Variants in MIPOL1 observed in about 807,000 individuals in gnomAD.
MIPOL1 encodes mirror-image polydactyly gene 1 protein.
Under a neutral mutation model 60.9 loss-of-function variants are expected in MIPOL1, and 57 were observed. That is an observed-to-expected ratio of 0.94 (90% confidence interval 0.76 to 1.17). MIPOL1 has a LOEUF of 1.17. Among genes scored for constraint, MIPOL1 ranks in the 50% most tolerant of loss-of-function variants. The pLI is 0.00. For synonymous variants in MIPOL1, 179 were observed against 168.8 expected (o/e 1.06, Z -0.47); for missense variants, 551 against 511.6 (o/e 1.08, Z -0.74).
chr14:37,242,433 A>G (rs1972502056), intron 1 of MIPOL1, among the ~76,000 whole-genome samples: 1 of 152,106 alleles, frequency 6.6e-6, no homozygotes, highest in Admixed American at 6.6e-5. Flanking sequence ...ATATATTTGT[A>G]TAGGAAATCT....
At chr14:37,512,349 C>G (rs1354248973) in intron 12 of MIPOL1, among the ~76,000 whole-genome samples, 1 of 151,988 alleles carries the variant, frequency 6.6e-6, no homozygotes, top group Non-Finnish European at 1.5e-5. Context: ...CACAAGGGTT[C>G]TTAGCATAGA....
rs1473009027 is a variant in MIPOL1 at position 37,549,458 on chromosome 14, T to A, written c.*2487T>A. On this transcript the variant is annotated 3_prime_UTR_variant, in exon 13 of 13. Transcript: ENST00000684589. The stretch of plus-strand genomic sequence containing the variant: ...ATTTTAGTATTACTGTCATTATAAT[T>A]ATTATTATATTCATTCTACAGATGA... 1 of 151,762 alleles carries A rather than the reference T, an allele frequency of 6.6e-6. No individual in the cohort carries two copies. The highest frequency in any genetic ancestry group is 1.5e-5 in the Non-Finnish European group (1 of 67,764). 9.4% of individuals were successfully genotyped at this position (151,762 alleles called of 1,614,324 possible).
intron 3 of MIPOL1, among the ~76,000 whole-genome samples, chr14:37,260,730 C>A (rs1261600007): frequency 6.6e-6 from 1 of 151,932 alleles, no homozygotes; most frequent in Admixed American, 6.6e-5. Context: ...AGCCAAAATA[C>A]AAATTTAAAA....
At chr14:37,436,220 C>T (rs1242306328) in intron 11 of MIPOL1, among the ~76,000 whole-genome samples, 1 of 152,100 alleles carries the variant, frequency 6.6e-6, no homozygotes, top group African/African-American at 2.4e-5. Context: ...CCACTTGATA[C>T]AGAAGCAGGA....
chr14:37,279,670 A>T (rs2083945647), intron 6 of MIPOL1, among the ~76,000 whole-genome samples: 1 of 151,904 alleles, frequency 6.6e-6, no homozygotes, highest in African/African-American at 2.4e-5. Context: ...CCCTTAATTG[A>T]TGTATGATTT....
At chr14:37,324,279 T>A (rs1950524) in intron 9 of MIPOL1, among the ~76,000 whole-genome samples, 46,249 of 151,906 alleles carry the variant, frequency 0.3, 7,254 homozygotes, top group East Asian at 0.46. Context: ...TATTGGTATA[T>A]CATTGTGATT....
At chr14:37,381,567 C>T (rs191222377) in intron 10 of MIPOL1, among the ~76,000 whole-genome samples, 3 of 151,570 alleles carry the variant, frequency 2.0e-5, no homozygotes, top group African/African-American at 7.3e-5. Context: ...CTGGCCCAAC[C>T]CAAAGTCTAC....
chr14:37,489,445 C>T (rs766942034), intron 11 of MIPOL1, among the ~76,000 whole-genome samples: 2 of 152,140 alleles, frequency 1.3e-5, no homozygotes, highest in Non-Finnish European at 2.9e-5. Context: ...CTAAAGCCTA[C>T]TTCTGTCAGT....
intron 9 of MIPOL1, among the ~76,000 whole-genome samples, chr14:37,318,744 T>C (rs372773429): frequency 2.1e-4 from 32 of 152,328 alleles, no homozygotes; most frequent in South Asian, 1.4e-3. Context: ...GCCTGATTTT[T>C]CACATTGATT....
At chr14:37,362,889 C>A (rs1175705438) in intron 9 of MIPOL1, among the ~76,000 whole-genome samples, 1 of 152,168 alleles carries the variant, frequency 6.6e-6, no homozygotes, top group Non-Finnish European at 1.5e-5. Context: ...CTTTCTTCCA[C>A]TTGATTGAAT....
intron 11 of MIPOL1, among the ~76,000 whole-genome samples, chr14:37,449,805 T>G (rs2094391129): frequency 6.6e-6 from 1 of 152,152 alleles, no homozygotes; most frequent in African/African-American, 2.4e-5. Flanking sequence ...TTTATTTATT[T>G]ATTTATTTAC....
intron 11 of MIPOL1, among the ~76,000 whole-genome samples, chr14:37,459,810 C>T (rs946247815): frequency 6.6e-6 from 1 of 152,104 alleles, no homozygotes; most frequent in Non-Finnish European, 1.5e-5. Context: ...CGTGGTGGCT[C>T]ATGCCTATAA....
At chr14:37,439,098 A>T (rs1340384447) in intron 11 of MIPOL1, among the ~76,000 whole-genome samples, 1 of 152,248 alleles carries the variant, frequency 6.6e-6, no homozygotes, top group Non-Finnish European at 1.5e-5. Flanking sequence ...TGCTACCTTC[A>T]AATAGATTAT....
chr14:37,504,080 A>G (rs891994408), intron 12 of MIPOL1: 1 of 152,152 alleles, frequency 6.6e-6, no homozygotes, highest in Non-Finnish European at 1.5e-5. Context: ...TATGCACCCA[A>G]TACAGGAGCA....
chr14:37,539,533 C>CT (rs2095521320), intron 12 of MIPOL1, among the ~76,000 whole-genome samples: 2 of 152,210 alleles, frequency 1.3e-5, no homozygotes, highest in South Asian at 4.2e-4. Flanking sequence ...GTATAGGACT[C>CT]TATGTTTTTA....
chr14:37,422,439 ATAAAGT>A (rs1249749873), intron 10 of MIPOL1, among the ~76,000 whole-genome samples: 1 of 151,994 alleles, frequency 6.6e-6, no homozygotes, highest in East Asian at 1.9e-4. Context: ...TTTACTATTA[ATAAAGT>A]TAAAAGAAAA....
intron 12 of MIPOL1, among the ~76,000 whole-genome samples, chr14:37,531,264 T>C (rs573370128): frequency 2.0e-5 from 3 of 152,168 alleles, no homozygotes; most frequent in Non-Finnish European, 4.4e-5. Flanking sequence ...TATTCGCCCT[T>C]GTACCTGTGC....
chr14:37,492,476 TG>T (rs2095059540), intron 11 of MIPOL1, among the ~76,000 whole-genome samples: 2 of 152,322 alleles, frequency 1.3e-5, no homozygotes, highest in Admixed American at 1.3e-4. Context: ...GTAACATTTT[TG>T]TACAAAGTTA....
At chr14:37,481,332 C>T (rs546509321) in intron 11 of MIPOL1, among the ~76,000 whole-genome samples, 1 of 151,874 alleles carries the variant, frequency 6.6e-6, no homozygotes, top group East Asian at 1.9e-4. Context: ...AGATGTAAGA[C>T]CTGCACAATG....
Sources: gnomAD v4.1 joint callset for allele counts (sites outside exome capture counted in the v4.1 genomes callset) on GRCh38, gnomAD v4.1.1 for gene constraint, MANE v1.5 for transcripts, NCBI Gene and HGNC (gene_info 2026-07-23, HGNC 2026-07-21) for gene names.